The following SCCPDH variants were observed in gnomAD, a reference collection of about 807,000 sequenced individuals.
SCCPDH encodes the protein saccharopine dehydrogenase-like oxidoreductase.
In SCCPDH, 34 loss-of-function variants were observed where a neutral mutation model predicts 51.5. The observed-to-expected ratio is 0.66, with a 90% CI of 0.50 to 0.88. SCCPDH has a LOEUF of 0.88. Among genes scored for constraint, SCCPDH ranks in the 40% least tolerant of loss-of-function variants. SCCPDH has a pLI of 0.00. For synonymous variants in SCCPDH, 187 were observed against 191.3 expected, an observed-to-expected ratio of 0.98 and a Z score of 0.19; for missense variants, 464 against 527.1, an observed-to-expected ratio of 0.88 and a Z score of 1.17.
At chr1:246,762,046 C>T (rs150784924) in intron 9 of SCCPDH, among the ~76,000 whole-genome samples, 1 of 152,180 alleles carries the variant, frequency 6.6e-6, no homozygotes, top group African/African-American at 2.4e-5. Flanking sequence ...GCTTCCAAAC[C>T]GACATCTGTT....
chr1:246,731,201 A>G (rs1448471447), intron 2 of SCCPDH, among the ~76,000 whole-genome samples: 3 of 152,214 alleles, frequency 2.0e-5, no homozygotes, highest in Non-Finnish European at 4.4e-5. Flanking sequence ...AGACAAGCAC[A>G]GGGTACTAAG....
At chr1:246,739,019 A>C (rs544129054) in intron 3 of SCCPDH, among the ~76,000 whole-genome samples, 1 of 151,908 alleles carries the variant, frequency 6.6e-6, no homozygotes, top group East Asian at 1.9e-4. Context: ...GTGTGACTTA[A>C]TGTGTTTGTG....
intron 1 of SCCPDH, 110 bp downstream of exon 1, chr1:246,724,722 C>A: frequency 1.0e-6 from 1 of 969,664 alleles, no homozygotes; most frequent in Non-Finnish European, 1.4e-6. Context: ...TCCCCGAGCC[C>A]TGCGTGAGGA....
chr1:246,750,583 A>G (rs1171866011), intron 5 of SCCPDH, among the ~76,000 whole-genome samples: 4 of 152,288 alleles, frequency 2.6e-5, no homozygotes, highest in Admixed American at 2.0e-4. Context: ...CCCATGTTAT[A>G]TCCAGTACCT....
At chr1:246,752,520 G>A (rs1413889720) in intron 5 of SCCPDH, among the ~76,000 whole-genome samples, 2 of 152,232 alleles carry the variant, frequency 1.3e-5, no homozygotes, top group African/African-American at 2.4e-5. Context: ...CCGTCACAGA[G>A]AAGACCTTCA....
chr1:246,746,130 A>AAAG (rs1553273596), intron 5 of SCCPDH, among the ~76,000 whole-genome samples: 2,949 of 130,740 alleles, frequency 0.023, 123 homozygotes, highest in South Asian at 0.039. Flanking sequence ...AAAAAAAAAA[A>AAAG]AAGAAGGAAG....
At chr1:246,736,331 A>G (rs71638366) in intron 3 of SCCPDH, among the ~76,000 whole-genome samples, 2,113 of 152,342 alleles carry the variant, frequency 0.014, 29 homozygotes, top group Non-Finnish European at 0.019. Context: ...AACTGAATCA[A>G]TTAAAATAGC....
chr1:246,748,678 G>A (rs1393749977), intron 5 of SCCPDH, among the ~76,000 whole-genome samples: 1 of 152,096 alleles, frequency 6.6e-6, no homozygotes, highest in Non-Finnish European at 1.5e-5. Flanking sequence ...ATTTGATCTC[G>A]AGATTTAAAT....
intron 5 of SCCPDH, among the ~76,000 whole-genome samples, chr1:246,744,410 G>A (rs368307564): frequency 4.0e-5 from 6 of 151,756 alleles, no homozygotes; most frequent in Admixed American, 6.6e-5. Context: ...CCTCTGCCTC[G>A]TGGGTTCAAG....
chr1:246,734,248 T>C (rs1381721476), intron 2 of SCCPDH, among the ~76,000 whole-genome samples: 2 of 152,176 alleles, frequency 1.3e-5, no homozygotes, highest in Non-Finnish European at 2.9e-5. Context: ...TTAAAATGGA[T>C]GTGTGCAAAC....
rs761893083 is a variant in SCCPDH, at chr1:246,744,027, A to T, written c.515-49A>T. Reference sequence around the variant, plus strand: ...TGTTTATTATTACTTACCCCAAATAATTTAGATGTTATTTTATTTTGCTTT... The same window carrying T: ...TGTTTATTATTACTTACCCCAAATATTTTAGATGTTATTTTATTTTGCTTT... On this transcript the variant is annotated intron_variant, in intron 4 of 11. Coordinates refer to ENST00000366510, the MANE Select transcript of SCCPDH (RefSeq NM_016002.3). 11 of 1,120,964 alleles carry T rather than the reference A, an allele frequency of 9.8e-6. No homozygotes were observed. The South Asian group carries it at 1.5e-4, about 15-fold the overall frequency. The allele number at this position is 1,120,964 out of a possible 1,614,324, so 69.4% of individuals were successfully genotyped here. A position where few individuals can be genotyped will look rare whatever the true frequency, so the allele number is the denominator to read the frequency against.
chr1:246,724,884 A>G (rs541418325), intron 1 of SCCPDH, among the ~76,000 whole-genome samples: 2 of 150,830 alleles, frequency 1.3e-5, no homozygotes, highest in Admixed American at 6.6e-5. Flanking sequence ...TTTCTGCCTC[A>G]GTTTGGGGAG....
At position 246,768,042 on chromosome 1, in the gene SCCPDH, T is replaced by G. The variant is rs1171883752; in HGVS notation, c.*742T>G. The G allele has an allele frequency of 2.0e-5, 3 of 152,230 alleles. No homozygotes were observed. The highest frequency in any genetic ancestry group is 7.2e-5 in the African/African-American group (3 of 41,462). The allele number at this position is 152,230 out of a possible 1,614,324, so 9.4% of individuals were successfully genotyped here. On this transcript the variant is annotated 3_prime_UTR_variant, in exon 12 of 12. Transcript: ENST00000366510. The stretch of plus-strand genomic sequence containing the variant: ...CAGAATTTTTCTCTAATTTACTTTT[T>G]GTATTTTAACTAGGTTTTACATGGA...
At chr1:246,729,409 T>C (rs1165419664) in intron 2 of SCCPDH, among the ~76,000 whole-genome samples, 1 of 151,862 alleles carries the variant, frequency 6.6e-6, no homozygotes, top group Non-Finnish European at 1.5e-5. Flanking sequence ...TTTAGAGACC[T>C]CCCCCTGGGA....
intron 5 of SCCPDH, among the ~76,000 whole-genome samples, chr1:246,754,254 A>G (rs528474060): frequency 5.9e-4 from 90 of 151,944 alleles, no homozygotes; most frequent in Non-Finnish European, 1.0e-3. Flanking sequence ...CCCTTTCCCC[A>G]GGTCGCCAGC....
At position 246,767,261 on chromosome 1, in the gene SCCPDH, C is replaced by T. The variant is rs140086408; in HGVS notation, c.1251C>T (p.His417=). Residue 417 remains histidine (H), a synonymous_variant, in exon 12 of 12, where the codon CAC becomes CAT. Transcript: ENST00000366510. ...AGTTGATTGACAGACTCAACAAACA[C>T]GGTATTGAGTTTAGTGTTATTAGCA... ...KTKLIDRLNK[H]GIEFSVISSS... 32 of 1,610,520 alleles carry T rather than the reference C, an allele frequency of 2.0e-5. No homozygotes were observed. The highest frequency in any genetic ancestry group is 7.7e-5 in the South Asian group (7 of 90,676).
At chr1:246,758,087 T>C in intron 5 of SCCPDH, 139 bp from the exon 6 acceptor site, 1 of 610,490 alleles carries the variant, frequency 1.6e-6, no homozygotes, top group South Asian at 3.4e-5. Context: ...ATGAAAATTC[T>C]CCTCAAGATT....
rs115832540 is a variant in SCCPDH at position 246,747,617 on chromosome 1, C to T, written c.564+3492C>T. Among the ~76,000 whole-genome samples the T allele has an allele frequency of 5.0e-3, 759 of 152,328 alleles. 5 individuals carry two copies. The highest frequency in any genetic ancestry group is 8.0e-3 in the Non-Finnish European group (544 of 68,026). On this transcript the variant is annotated intron_variant, in intron 5 of 11. Transcript: ENST00000366510. Reference sequence around the variant, plus strand: ...CGTGGATGGAGCAATGGTGAGAGCACACCTGAACAAGGGAGGGGAAGGTGT... The same window carrying T: ...CGTGGATGGAGCAATGGTGAGAGCATACCTGAACAAGGGAGGGGAAGGTGT...
intron 5 of SCCPDH, among the ~76,000 whole-genome samples, chr1:246,757,739 G>A (rs985370787): frequency 5.9e-5 from 9 of 152,192 alleles, no homozygotes; most frequent in Non-Finnish European, 1.2e-4. Flanking sequence ...GTTGGAGGTA[G>A]ACGGGGAACC....
Sources: allele counts gnomAD v4.1 joint callset (sites outside exome capture counted in the v4.1 genomes callset), GRCh38; gene constraint gnomAD v4.1.1; transcripts MANE v1.5; gene names NCBI Gene and HGNC (gene_info 2026-07-23, HGNC 2026-07-21).